PSD3: variants seen among roughly 807,000 people sequenced by gnomAD.
PSD3 encodes the protein pleckstrin and Sec7 domain containing 3.
In PSD3, 49 loss-of-function variants were observed where a neutral mutation model predicts 105.5. The ratio of observed to expected loss-of-function variants is 0.46; its 90% CI spans 0.37 to 0.59. The LOEUF (loss-of-function observed/expected upper bound fraction) is 0.59. Ranked by LOEUF, PSD3 falls within the 20% of genes least tolerant of loss-of-function variation. PSD3 has a pLI of 0.00. For synonymous variants in PSD3, 557 were observed against 457.8 expected (o/e 1.22, Z -2.77); for missense variants, 1,561 against 1,263.8 (o/e 1.24, Z -3.57).
intron 8 of PSD3, among the ~76,000 whole-genome samples, chr8:18,793,284 C>A (rs1809899215): frequency 6.6e-6 from 1 of 150,782 alleles, no homozygotes; most frequent in Non-Finnish European, 1.5e-5. Context: ...AACAAACCTG[C>A]ACGTTGTGCA....
intron 11 of PSD3, among the ~76,000 whole-genome samples, chr8:18,603,714 T>C (rs1379497485): frequency 2.6e-5 from 4 of 152,194 alleles, no homozygotes; most frequent in African/African-American, 9.7e-5. Context: ...TTCTCATGAA[T>C]GGTTTAGCAC....
At chr8:18,994,993 T>C (rs551414307) in intron 1 of PSD3, among the ~76,000 whole-genome samples, 5 of 151,858 alleles carry the variant, frequency 3.3e-5, no homozygotes, top group Non-Finnish European at 7.4e-5. Flanking sequence ...CTAAGAAGCT[T>C]TCATTAGCCA....
At chr8:18,567,691 A>G (rs1288301217) in intron 14 of PSD3, among the ~76,000 whole-genome samples, 1 of 152,198 alleles carries the variant, frequency 6.6e-6, no homozygotes, top group Non-Finnish European at 1.5e-5. Flanking sequence ...TAACTATGGC[A>G]ACACTTGAGC....
chr8:18,654,818 CT>C (rs1274133273), intron 10 of PSD3, among the ~76,000 whole-genome samples: 1 of 151,998 alleles, frequency 6.6e-6, no homozygotes, highest in African/African-American at 2.4e-5. Context: ...TTCAGAGAAC[CT>C]TTTTTTGGTT....
intron 1 of PSD3, among the ~76,000 whole-genome samples, chr8:18,997,900 T>C (rs1826164535): frequency 6.6e-6 from 1 of 152,032 alleles, no homozygotes; most frequent in African/African-American, 2.4e-5. Context: ...CCTGAAGGGC[T>C]TCACACTGTC....
chr8:18,745,545 T>C (rs996741649), intron 9 of PSD3, among the ~76,000 whole-genome samples: 2 of 152,200 alleles, frequency 1.3e-5, no homozygotes, highest in Non-Finnish European at 2.9e-5. Flanking sequence ...CAAGATGTTC[T>C]AGGCTCATTT....
intron 9 of PSD3, among the ~76,000 whole-genome samples, chr8:18,735,474 G>C (rs1804085800): frequency 6.6e-6 from 1 of 152,110 alleles, no homozygotes; most frequent in South Asian, 2.1e-4. Flanking sequence ...CCAGGGGATA[G>C]GAATGCTTTC....
chr8:18,572,112 G>A lies in PSD3; in HGVS notation c.2784+416C>T, dbSNP rs145249183. ...GCCATTTCCCATTGTAATATGAACC[G>A]TGGATTCCTGAAAATATTTTTGTAT... On this transcript the variant is annotated intron_variant, in intron 14 of 15. Transcript: ENST00000327040. 5.9e-3 allele frequency among the ~76,000 whole-genome samples: 903 copies of A among 152,236 alleles called. 7 individuals carry two copies. Among genetic ancestry groups the A allele is most frequent in the Admixed American group, 0.014 (216 of 15,294 alleles).
chr8:18,625,171 G>C (rs1565142), intron 11 of PSD3, among the ~76,000 whole-genome samples: 13,676 of 144,240 alleles, frequency 0.095, 842 homozygotes, highest in East Asian at 0.2. Flanking sequence ...TTTTGTGTTA[G>C]AACTGAGGTG....
intron 11 of PSD3, among the ~76,000 whole-genome samples, chr8:18,623,471 G>GA (rs1806268364): frequency 9.9e-6 from 1 of 101,448 alleles, no homozygotes; most frequent in South Asian, 3.6e-4. Flanking sequence ...AAAAAAAAAA[G>GA]AAAAAGGAAA....
intron 10 of PSD3, among the ~76,000 whole-genome samples, chr8:18,647,603 CT>C (rs1404347571): frequency 1.5e-4 from 20 of 133,080 alleles, no homozygotes; most frequent in African/African-American, 5.0e-4. Context: ...TTATTTAAAA[CT>C]GTTTTTTTTT....
intron 8 of PSD3, among the ~76,000 whole-genome samples, chr8:18,768,155 G>A (rs906850765): frequency 7.3e-5 from 11 of 150,896 alleles, no homozygotes; most frequent in East Asian, 2.0e-4. Flanking sequence ...ATGTCATGGC[G>A]GGCGCCTGTA....
chr8:18,678,235 G>A (rs1391807508), intron 9 of PSD3, among the ~76,000 whole-genome samples: 2 of 152,120 alleles, frequency 1.3e-5, no homozygotes, highest in Non-Finnish European at 2.9e-5. Context: ...TAGAACTAGT[G>A]CAGGAGGATG....
chr8:18,561,755 A>G (rs933551497), intron 14 of PSD3, among the ~76,000 whole-genome samples: 2 of 152,112 alleles, frequency 1.3e-5, no homozygotes, highest in Non-Finnish European at 1.5e-5. Flanking sequence ...CAATTTCAGA[A>G]TTTCCTTTAA....
intron 2 of PSD3, among the ~76,000 whole-genome samples, chr8:18,923,029 T>C (rs1446548769): frequency 6.6e-6 from 1 of 152,156 alleles, no homozygotes; most frequent in Admixed American, 6.5e-5. Flanking sequence ...GTGATTTCCT[T>C]AAACTTCACC....
At chr8:18,591,885 C>T (rs1302066576) in intron 12 of PSD3, among the ~76,000 whole-genome samples, 2 of 152,054 alleles carry the variant, frequency 1.3e-5, no homozygotes, top group African/African-American at 4.8e-5. Context: ...GGATTATGGG[C>T]TCCTGAAAAA....
At chr8:19,057,952 C>A (rs544507936) in intron 1 of PSD3, among the ~76,000 whole-genome samples, 1 of 152,128 alleles carries the variant, frequency 6.6e-6, no homozygotes, top group African/African-American at 2.4e-5. Context: ...CCCTAGAGAA[C>A]TGAGAACTTC....
chr8:18,546,195 C>T (rs1222184047), intron 15 of PSD3, among the ~76,000 whole-genome samples: 1 of 152,158 alleles, frequency 6.6e-6, no homozygotes, highest in Non-Finnish European at 1.5e-5. Context: ...AGGTATTTTG[C>T]CATGTTCGCC....
intron 1 of PSD3, among the ~76,000 whole-genome samples, chr8:18,991,140 C>A (rs556476016): frequency 3.1e-4 from 47 of 152,260 alleles, no homozygotes; most frequent in African/African-American, 1.1e-3. Context: ...GGGTCTCTCC[C>A]TCATCCCGCG....
Sources: allele counts gnomAD v4.1 joint callset (sites outside exome capture counted in the v4.1 genomes callset), GRCh38; gene constraint gnomAD v4.1.1; transcripts MANE v1.5; gene names NCBI Gene and HGNC (gene_info 2026-07-23, HGNC 2026-07-21).